SANBR: variants seen among roughly 807,000 people sequenced by gnomAD.
SANBR encodes SANT and BTB domain regulator of CSR, also known as SANT and BTB domain regulator of class switch recombination.
SANBR carries 77 observed loss-of-function variants against 101.8 expected under a neutral mutation model. The ratio of observed to expected loss-of-function variants is 0.76; its 90% confidence interval spans 0.63 to 0.91. SANBR has a LOEUF of 0.91. Among genes scored for constraint, SANBR ranks in the 40% least tolerant of loss-of-function variants. The pLI, the probability that SANBR is intolerant of heterozygous loss-of-function variation, is 0.00. For missense variants in SANBR, 875 were observed against 853.0 expected (o/e 1.03, Z -0.32); for synonymous variants, 279 against 274.7 (o/e 1.02, Z -0.15).
intron 10 of SANBR, among the ~76,000 whole-genome samples, chr2:61,090,067 T>A (rs552679971): frequency 6.6e-6 from 1 of 152,212 alleles, no homozygotes; most frequent in African/African-American, 2.4e-5. Context: ...GGAGGATCAT[T>A]TGATCCCAGG....
chr2:61,107,639 C>A (rs1323061880), intron 14 of SANBR, among the ~76,000 whole-genome samples: 1 of 152,138 alleles, frequency 6.6e-6, no homozygotes, highest in Non-Finnish European at 1.5e-5. Flanking sequence ...CATGGTGGTT[C>A]ATGCTTGTAA....
chr2:61,082,734 G>A lies in SANBR; in HGVS notation c.730-420G>A, dbSNP rs570435490. Among the ~76,000 whole-genome samples, 175 of 152,040 alleles carry A rather than the reference G, an allele frequency of 1.2e-3. 1 individual carries two copies. The highest frequency in any genetic ancestry group is 1.2e-3 in the Non-Finnish European group (84 of 67,994). On this transcript the variant is annotated intron_variant, in intron 7 of 21. Transcript: ENST00000402291. Reference sequence around the variant, plus strand: ...CTAGGGATGCTGAGGCAGGAGAATCGCTTGAACCCAGGAGGCAGAGGTTGC... The same window carrying A: ...CTAGGGATGCTGAGGCAGGAGAATCACTTGAACCCAGGAGGCAGAGGTTGC...
chr2:61,069,427 CAG>C (rs2104838298), intron 2 of SANBR, among the ~76,000 whole-genome samples: 1 of 152,158 alleles, frequency 6.6e-6, no homozygotes, highest in East Asian at 1.9e-4. Flanking sequence ...AAACTCAAAT[CAG>C]AGATTCAGAC....
intron 8 of SANBR, among the ~76,000 whole-genome samples, chr2:61,087,377 C>G (rs1682489897): frequency 6.6e-6 from 1 of 150,962 alleles, no homozygotes; most frequent in African/African-American, 2.4e-5. Context: ...GGCAACATAG[C>G]CAGCCCCAAT....
intron 4 of SANBR, among the ~76,000 whole-genome samples, chr2:61,072,821 CT>C (rs70959893): frequency 3.9e-3 from 123 of 31,642 alleles, no homozygotes; most frequent in African/African-American, 0.015. Flanking sequence ...TCTCATGTTA[CT>C]TTTTTTTTTT....
rs138496480 is a variant in SANBR, at chr2:61,083,246, A to G, written c.822A>G (p.Thr274=). Residue 274 remains threonine, a synonymous_variant, in exon 8 of 22, where the codon ACA becomes ACG. Transcript: ENST00000402291. ...NMNCINANLL[T]RIADLFSHNE... The stretch of plus-strand genomic sequence containing the variant: ...ACTGTATTAATGCAAATCTTCTCAC[A>G]CGTATAGCTGATCTGTTCTCACACA... The G allele has an allele frequency of 3.7e-6, 6 of 1,610,458 alleles. No homozygotes were observed. Among genetic ancestry groups the G allele is most frequent in the Non-Finnish European group, 5.1e-6 (6 of 1,176,838 alleles).
intron 6 of SANBR, among the ~76,000 whole-genome samples, chr2:61,080,211 AAAAG>A (rs1439872831): frequency 6.6e-6 from 1 of 151,836 alleles, no homozygotes; most frequent in Non-Finnish European, 1.5e-5. Context: ...AAAAAAAAAA[AAAAG>A]CAGCAAAGCT....
chr2:61,102,904 A>G (rs1377476019), intron 12 of SANBR, among the ~76,000 whole-genome samples: 1 of 152,070 alleles, frequency 6.6e-6, no homozygotes, highest in Non-Finnish European at 1.5e-5. Context: ...GAATCCTCAT[A>G]TACTGCTGAT....
chr2:61,131,785 A>G (rs752149085), intron 20 of SANBR, among the ~76,000 whole-genome samples: 2 of 152,236 alleles, frequency 1.3e-5, no homozygotes, highest in Non-Finnish European at 2.9e-5. Context: ...CCCATTTCCA[A>G]TCTTACTACA....
At position 61,122,934 on chromosome 2, in the gene SANBR, C is replaced by T; in HGVS notation, c.*772C>T. ...AGTAAATCATTTCTGTTATATGAGA[C>T]ACCCACTGTACAGTTCTCAGGGCTC... On this transcript the variant is annotated 3_prime_UTR_variant, in exon 22 of 22. Coordinates refer to ENST00000402291, the MANE Select transcript of SANBR (RefSeq NM_001129993.3). 1 of 985,310 alleles carries T rather than the reference C, an allele frequency of 1.0e-6. No individual in the cohort carries two copies. Among genetic ancestry groups the T allele is most frequent in the South Asian group, 4.7e-5 (1 of 21,284 alleles). 61.0% of individuals were successfully genotyped at this position (985,310 alleles called of 1,614,324 possible).
chr2:61,135,349 G>C (rs977725471), intron 21 of SANBR, among the ~76,000 whole-genome samples: 1 of 152,198 alleles, frequency 6.6e-6, no homozygotes, highest in African/African-American at 2.4e-5. Flanking sequence ...ATAAGTATAT[G>C]TAGTTATATA....
chr2:61,091,909 T>TCACTCAA (rs1407389923), intron 10 of SANBR, among the ~76,000 whole-genome samples: 2 of 152,198 alleles, frequency 1.3e-5, no homozygotes, highest in Non-Finnish European at 2.9e-5. Flanking sequence ...ATATTCTGTA[T>TCACTCAA]CACTCAATTA....
exon 22 of SANBR, chr2:61,137,771 TC>T (rs963179001): frequency 1.3e-5 from 2 of 152,180 alleles, no homozygotes; most frequent in African/African-American, 4.8e-5. Flanking sequence ...CCTCTTCTTT[TC>T]CCAGAAGTGA....
chr2:61,123,497 TTGTTTGATAC>T lies in SANBR; in HGVS notation c.*1339_*1348del. 1.0e-6 allele frequency: 1 copy of T among 974,486 alleles called. No individual in the cohort carries two copies. Among genetic ancestry groups the T allele is most frequent in the Non-Finnish European group, 1.2e-6 (1 of 819,846 alleles). The allele number at this position is 974,486 out of a possible 1,614,324, so 60.4% of individuals were successfully genotyped here. Reference sequence around the variant, plus strand: ...TTGTTCCCATTTATATTTGTTTCAATTGTTTGATACTGTGGAAATAGACTTTTATTTTCGA... The same window carrying T: ...TTGTTCCCATTTATATTTGTTTCAATTGTGGAAATAGACTTTTATTTTCGA... On this transcript the variant is annotated 3_prime_UTR_variant, in exon 22 of 22. Transcript: ENST00000402291.
At chr2:61,120,269 A>G (rs570088142) in intron 20 of SANBR, among the ~76,000 whole-genome samples, 2 of 152,278 alleles carry the variant, frequency 1.3e-5, no homozygotes, top group East Asian at 3.9e-4. Flanking sequence ...TTGGGAGGCC[A>G]AGGCGGGCGG....
chr2:61,077,191 A>G (rs765853234), intron 6 of SANBR, 33 bp downstream of exon 6: 2 of 1,474,816 alleles, frequency 1.4e-6, no homozygotes, highest in Non-Finnish European at 1.9e-6. Context: ...ATTTGTAGTG[A>G]AATTTGTGTG....
At chr2:61,115,414 C>A (rs1684030023) in intron 16 of SANBR, among the ~76,000 whole-genome samples, 1 of 151,296 alleles carries the variant, frequency 6.6e-6, no homozygotes, top group Non-Finnish European at 1.5e-5. Flanking sequence ...CTCACTGCAA[C>A]CTCTACCTCC....
At chr2:61,095,077 G>A (rs1049191285) in intron 11 of SANBR, among the ~76,000 whole-genome samples, 5 of 152,128 alleles carry the variant, frequency 3.3e-5, no homozygotes, top group African/African-American at 1.2e-4. Context: ...AGTTCTAGTT[G>A]CCCCCCATCT....
chr2:61,105,132 G>C (rs1683493332), intron 13 of SANBR, among the ~76,000 whole-genome samples: 1 of 151,550 alleles, frequency 6.6e-6, no homozygotes, highest in Non-Finnish European at 1.5e-5. Flanking sequence ...TTTAATCCCA[G>C]CACTTTGAGA....
Sources: gnomAD v4.1 joint callset for allele counts (sites outside exome capture counted in the v4.1 genomes callset) on GRCh38, gnomAD v4.1.1 for gene constraint, MANE v1.5 for transcripts, NCBI Gene and HGNC (gene_info 2026-07-23, HGNC 2026-07-21) for gene names.